The following DMXL2 variants were observed in gnomAD, a reference collection of about 807,000 sequenced individuals.
DMXL2 encodes the protein dmX-like protein 2.
Under a neutral mutation model 331.1 loss-of-function variants are expected in DMXL2, and 103 were observed. The observed-to-expected ratio is 0.31, with a 90% CI of 0.27 to 0.37. The LOEUF is 0.37. DMXL2 is among the 10% of genes least tolerant of loss of function. The probability of loss-of-function intolerance (pLI) is 1.00; values close to 1 mark genes in which losing one functional copy is unlikely to be tolerated. For synonymous variants in DMXL2, 1,281 were observed against 1,252.1 expected (o/e 1.02, Z -0.49); for missense variants, 3,171 against 3,642.9 (o/e 0.87, Z 3.33).
chr15:51,519,803 TGG>T (rs2047250899), intron 13 of DMXL2, among the ~76,000 whole-genome samples: 1 of 151,902 alleles, frequency 6.6e-6, no homozygotes, highest in Non-Finnish European at 1.5e-5. Context: ...CCACCACACC[TGG>T]CTAATTTTTG....
chr15:51,616,352 G>GA (rs1295561670), intron 1 of DMXL2, among the ~76,000 whole-genome samples: 61 of 148,290 alleles, frequency 4.1e-4, no homozygotes, highest in Non-Finnish European at 1.0e-4. Flanking sequence ...GCAGGCAAAC[G>GA]AAAAAAAAAG....
At chr15:51,542,763 G>A (rs746566707) in intron 8 of DMXL2, among the ~76,000 whole-genome samples, 9 of 151,718 alleles carry the variant, frequency 5.9e-5, no homozygotes, top group East Asian at 3.9e-4. Context: ...AAAGATTCCC[G>A]TTAATATTAG....
At position 51,622,599 on chromosome 15, in the gene DMXL2, T is replaced by C. The variant is rs1408885622; in HGVS notation, c.-54A>G. The stretch of plus-strand genomic sequence containing the variant: ...CGGGAGGTGCGACAAGCTCCGCGCC[T>C]GACCCTCCTCGGGCTGCGAGAGCCG... On this transcript the variant is annotated 5_prime_UTR_variant, in exon 1 of 44. Coordinates refer to ENST00000560891, the MANE Select transcript of DMXL2 (RefSeq NM_001378457.1). 1.3e-6 allele frequency: 2 copies of C among 1,517,624 alleles called. No homozygotes were observed. The highest frequency in any genetic ancestry group is 2.1e-5 in the Admixed American group (1 of 47,724). The allele number at this position is 1,517,624 out of a possible 1,614,324, so 94.0% of individuals were successfully genotyped here. A position where few individuals can be genotyped will look rare whatever the true frequency, so the allele number is the denominator to read the frequency against.
intron 6 of DMXL2, among the ~76,000 whole-genome samples, chr15:51,553,284 C>G (rs895482133): frequency 6.6e-6 from 1 of 152,162 alleles, no homozygotes; most frequent in Admixed American, 6.5e-5. Context: ...AAAAGAATAT[C>G]TGCTAAACAT....
intron 1 of DMXL2, among the ~76,000 whole-genome samples, chr15:51,606,081 T>G (rs2141357790): frequency 6.6e-6 from 1 of 152,282 alleles, no homozygotes; most frequent in South Asian, 2.1e-4. Context: ...AAGTGCTCCA[T>G]CTGACAAAAG....
chr15:51,620,006 G>A (rs2054529944), intron 1 of DMXL2, among the ~76,000 whole-genome samples: 2 of 152,102 alleles, frequency 1.3e-5, no homozygotes, highest in African/African-American at 2.4e-5. Flanking sequence ...AAAATCAAGT[G>A]ACAGGCTCCA....
chr15:51,605,794 C>T lies in DMXL2; in HGVS notation c.87+16665G>A, dbSNP rs1204910415. ...TCCTGACCTCATGATCCACCCGCCTCGGCCTCCCAAAGTGCTGGGATTACA... is the reference window on the plus strand; with the variant it reads ...TCCTGACCTCATGATCCACCCGCCTTGGCCTCCCAAAGTGCTGGGATTACA... On this transcript the variant is annotated intron_variant, in intron 1 of 43. Transcript: ENST00000560891. 4.6e-5 allele frequency among the ~76,000 whole-genome samples: 6 copies of T among 129,684 alleles called. 1 individual carries two copies. The highest frequency in any genetic ancestry group is 1.4e-4 in the African/African-American group (5 of 36,278). 85.1% of individuals were successfully genotyped at this position (129,684 alleles called of 152,430 possible). A position where few individuals can be genotyped will look rare whatever the true frequency, so the allele number is the denominator to read the frequency against.
Position 51,619,053 on chromosome 15 carries a change from A to G in DMXL2, c.87+3406T>C, listed in dbSNP as rs537266535. Among the ~76,000 whole-genome samples, 310 of 152,340 alleles carry G rather than the reference A, an allele frequency of 2.0e-3. 2 individuals carry two copies. The highest frequency in any genetic ancestry group is 7.1e-3 in the African/African-American group (296 of 41,576). On this transcript the variant is annotated intron_variant, in intron 1 of 43. Transcript: ENST00000560891. ...ATCATCACGTATGATCATTATTTCA[A>G]TTAATATTTTAATATGTGCAGTAAA... is the stretch of plus-strand genomic sequence containing the variant.
chr15:51,573,236 C>G (rs1322639043), intron 2 of DMXL2, among the ~76,000 whole-genome samples: 4 of 152,212 alleles, frequency 2.6e-5, no homozygotes, highest in African/African-American at 9.6e-5. Flanking sequence ...AACGCTTTTA[C>G]ACTGTTGGTG....
rs74013273 is a variant in DMXL2 at position 51,479,927 on chromosome 15, T to C, written c.6756+21A>G. On this transcript the variant is annotated intron_variant, in intron 25 of 43. Coordinates refer to ENST00000560891, the MANE Select transcript of DMXL2 (RefSeq NM_001378457.1). ...CCTTCTCAGGGTGTATAATATCAAA[T>C]GATCATAAACTTTACATTACCTTCA... 1.3e-3 allele frequency: 1,890 copies of C among 1,450,452 alleles called. 25 individuals carry two copies. In the African/African-American group the frequency reaches 0.024, roughly 18 times the overall value. The allele number at this position is 1,450,452 out of a possible 1,614,324, so 89.8% of individuals were successfully genotyped here.
At chr15:51,615,727 T>C (rs914006443) in intron 1 of DMXL2, among the ~76,000 whole-genome samples, 7 of 152,164 alleles carry the variant, frequency 4.6e-5, no homozygotes, top group African/African-American at 1.4e-4. Flanking sequence ...GATTACCTCC[T>C]GCTGATTAGA....
rs565593419 is a variant in DMXL2, at chr15:51,449,284, A to G, written c.8968-91T>C. On this transcript the variant is annotated intron_variant, in intron 43 of 43. Coordinates refer to ENST00000560891, the MANE Select transcript of DMXL2 (RefSeq NM_001378457.1). ...CTGCTCCCTTGGCCCAAGTGATCTC[A>G]CTAAAGCCCAACCTTCCCACCCACT... 4,590 of 1,288,632 alleles carry G rather than the reference A, an allele frequency of 3.6e-3. 17 individuals are homozygous for G. Among genetic ancestry groups the G allele is most frequent in the Middle Eastern group, 0.011 (50 of 4,486 alleles). 79.8% of individuals were successfully genotyped at this position (1,288,632 alleles called of 1,614,324 possible).
At chr15:51,529,216 G>A (rs2047860684) in intron 13 of DMXL2, among the ~76,000 whole-genome samples, 1 of 151,762 alleles carries the variant, frequency 6.6e-6, no homozygotes. Flanking sequence ...AAAAGCAAGA[G>A]CATACCAAAC....
At chr15:51,604,038 A>T (rs551603282) in intron 1 of DMXL2, among the ~76,000 whole-genome samples, 1 of 152,254 alleles carries the variant, frequency 6.6e-6, no homozygotes, top group South Asian at 2.1e-4. Flanking sequence ...TCCAGCCACA[A>T]ATAAAAACAA....
At chr15:51,591,316 C>A (rs1156252264) in intron 1 of DMXL2, among the ~76,000 whole-genome samples, 1 of 152,216 alleles carries the variant, frequency 6.6e-6, no homozygotes, top group Non-Finnish European at 1.5e-5. Context: ...GTCCTACGCC[C>A]ACAGAGCCTC....
intron 1 of DMXL2, among the ~76,000 whole-genome samples, chr15:51,608,532 T>G (rs1449411460): frequency 6.6e-6 from 1 of 152,062 alleles, no homozygotes; most frequent in Non-Finnish European, 1.5e-5. Context: ...CATTTATAAG[T>G]GGAAGCTAAA....
At chr15:51,575,952 T>TA in intron 2 of DMXL2, 104 bp downstream of exon 2, 1 of 1,185,972 alleles carries the variant, frequency 8.4e-7, no homozygotes, top group Non-Finnish European at 1.2e-6. Context: ...ACCCAAGCAA[T>TA]ACATAAGAAA....
Position 51,471,359 on chromosome 15 carries a change from C to T in DMXL2, c.7256G>A (p.Arg2419Lys). 1 of 1,613,774 alleles carries T rather than the reference C, an allele frequency of 6.2e-7. No individual in the cohort carries two copies. Among genetic ancestry groups the T allele is most frequent in the Non-Finnish European group, 8.5e-7 (1 of 1,179,846 alleles). ...AGGGACGAGCATTCTCATGTTAAAT[C>T]TCCTACGGTGTTTATCTATGTCTTC... Reference protein sequence around the residue: ...LSEDIDKHRRRFNMRMLVPGR... With the variant: ...LSEDIDKHRRKFNMRMLVPGR... Residue 2419 changes from arginine (R) to lysine (K), a missense_variant, in exon 29 of 44, where the codon AGA becomes AAA. Arg to Lys is a conservative substitution (Grantham distance 26). Transcript: ENST00000560891.
chr15:51,508,536 C>T (rs12101730), intron 15 of DMXL2, among the ~76,000 whole-genome samples: 70,650 of 151,988 alleles, frequency 0.46, 16,984 homozygotes, highest in Non-Finnish European at 0.52. Context: ...CTGCAACTGA[C>T]TGAAATATCC....
Sources: gnomAD v4.1 joint callset for allele counts (sites outside exome capture counted in the v4.1 genomes callset) on GRCh38, gnomAD v4.1.1 for gene constraint, MANE v1.5 for transcripts, NCBI Gene and HGNC (gene_info 2026-07-23, HGNC 2026-07-21) for gene names.